ULK4: variants seen among roughly 807,000 people sequenced by gnomAD.
ULK4 encodes the protein unc-51 like kinase 4, also known as inactive serine/threonine-protein kinase ULK4.
In ULK4, 133 loss-of-function variants were observed where a neutral mutation model predicts 160.6. That is an observed-to-expected ratio of 0.83 (90% CI 0.72 to 0.96). The LOEUF is 0.96. Among genes scored for constraint, ULK4 ranks in the 40% least tolerant of loss-of-function variants. The pLI, the probability that ULK4 is intolerant of heterozygous loss-of-function variation, is 0.00. For synonymous variants in ULK4, 534 were observed against 539.8 expected (o/e 0.99, Z 0.15); for missense variants, 1,580 against 1,499.5 (o/e 1.05, Z -0.89).
intron 21 of ULK4, among the ~76,000 whole-genome samples, chr3:41,761,155 G>T (rs921673398): frequency 1.3e-5 from 2 of 152,022 alleles, no homozygotes; most frequent in African/African-American, 4.8e-5. Context: ...GAATTGTTCT[G>T]TATCTTTCTG....
chr3:41,957,023 A>T (rs900022314), intron 1 of ULK4, among the ~76,000 whole-genome samples: 9 of 152,240 alleles, frequency 5.9e-5, no homozygotes, highest in Admixed American at 5.9e-4. Flanking sequence ...TTCTTGGCCA[A>T]CATAACTCTT....
At position 41,772,425 on chromosome 3, in the gene ULK4, G is replaced by C. The variant is rs2039425667; in HGVS notation, c.2193+17236C>G. 2.0e-5 allele frequency among the ~76,000 whole-genome samples: 3 copies of C among 152,012 alleles called. No homozygotes were observed. In the South Asian group the frequency reaches 6.2e-4, roughly 32 times the overall value. ...CCCACAGAAATACAAACTACCATCA[G>C]AGAATACTATAAACACCTCTACGCA... On this transcript the variant is annotated intron_variant, in intron 21 of 36. Transcript: ENST00000301831.
intron 29 of ULK4, among the ~76,000 whole-genome samples, chr3:41,677,745 G>A (rs773064979): frequency 9.2e-5 from 14 of 152,094 alleles, no homozygotes; most frequent in Non-Finnish European, 1.6e-4. Context: ...TATGATAGAC[G>A]TTGTGATGGT....
At chr3:41,781,662 C>T (rs2039845294) in intron 21 of ULK4, among the ~76,000 whole-genome samples, 1 of 152,166 alleles carries the variant, frequency 6.6e-6, no homozygotes, top group South Asian at 2.1e-4. Context: ...GCCATGGTCA[C>T]GTGCAGTGGC....
chr3:41,435,564 T>G (rs1294182513), intron 34 of ULK4, among the ~76,000 whole-genome samples: 1 of 152,224 alleles, frequency 6.6e-6, no homozygotes, highest in Admixed American at 6.5e-5. Flanking sequence ...AAATAGTAAC[T>G]TTGAACTGAG....
intron 35 of ULK4, among the ~76,000 whole-genome samples, chr3:41,387,788 G>C (rs1040914909): frequency 6.6e-6 from 1 of 152,162 alleles, no homozygotes; most frequent in Non-Finnish European, 1.5e-5. Flanking sequence ...GGACATTTGG[G>C]TTGGTTCCAA....
rs11451270 is a variant in ULK4, at chr3:41,656,821, AT to A, written c.3071+6785del. On this transcript the variant is annotated intron_variant, in intron 30 of 36. Transcript: ENST00000301831. ...AATTCTTAGATACAGAACATAAACA[AT>A]TTTTTTTTTGCAATACAGGAAAACA... is the stretch of plus-strand genomic sequence containing the variant. Among the ~76,000 whole-genome samples the A allele has an allele frequency of 7.9e-4, 119 of 149,970 alleles. 1 individual carries two copies. The highest frequency in any genetic ancestry group is 5.3e-3 in the Admixed American group (80 of 14,978).
At chr3:41,761,891 C>A (rs1288933512) in intron 21 of ULK4, among the ~76,000 whole-genome samples, 1 of 151,910 alleles carries the variant, frequency 6.6e-6, no homozygotes, top group Non-Finnish European at 1.5e-5. Context: ...GCCTGGGCAA[C>A]ACAGCAAGAC....
chr3:41,888,383 T>C (rs1697803133), intron 16 of ULK4, among the ~76,000 whole-genome samples: 1 of 152,036 alleles, frequency 6.6e-6, no homozygotes, highest in African/African-American at 2.4e-5. Flanking sequence ...TTTGAGAAAA[T>C]CTCAGATGAC....
intron 30 of ULK4, among the ~76,000 whole-genome samples, chr3:41,641,582 C>T (rs2034196517): frequency 6.6e-6 from 1 of 152,090 alleles, no homozygotes; most frequent in South Asian, 2.1e-4. Context: ...TCTGTAGTCA[C>T]AGCTAAAACT....
chr3:41,819,630 ATTAC>A (rs1309373131), intron 18 of ULK4, 124 bp from the exon 19 acceptor site: 10 of 710,110 alleles, frequency 1.4e-5, no homozygotes, highest in South Asian at 4.4e-5. Flanking sequence ...TATTTAAAGT[ATTAC>A]TTACTATCTG....
intron 30 of ULK4, among the ~76,000 whole-genome samples, chr3:41,641,828 C>G (rs1392948906): frequency 8.5e-6 from 1 of 118,148 alleles, no homozygotes; most frequent in East Asian, 2.0e-4. Context: ...GTTTAAAATG[C>G]AAGTAAAAAA....
rs1403592530 is a variant in ULK4 at position 41,644,591 on chromosome 3, T to A, written c.3071+19016A>T. ...TTTTGGATGTGCTGCTGGATTCGGTTTGCCAGTATTTTATTGAGGATTTTT... is the reference window on the plus strand; with the variant it reads ...TTTTGGATGTGCTGCTGGATTCGGTATGCCAGTATTTTATTGAGGATTTTT... On this transcript the variant is annotated intron_variant, in intron 30 of 36. Transcript: ENST00000301831. Among the ~76,000 whole-genome samples, 3 of 152,318 alleles carry A rather than the reference T, an allele frequency of 2.0e-5. No individual in the cohort carries two copies. In the East Asian group the frequency reaches 5.8e-4, roughly 29 times the overall value.
Position 41,493,263 on chromosome 3 carries a change from G to C in ULK4, c.3227-30010C>G, listed in dbSNP as rs182435982. The stretch of plus-strand genomic sequence containing the variant: ...ACAGTGCAATCAAACTAGAACTCAG[G>C]ATTAAGAAACTCACTGAAAACGGCT... On this transcript the variant is annotated intron_variant, in intron 32 of 36. Transcript: ENST00000301831. Among the ~76,000 whole-genome samples, 654 of 146,520 alleles carry C rather than the reference G, an allele frequency of 4.5e-3. 5 individuals carry two copies. The highest frequency in any genetic ancestry group is 7.7e-3 in the Non-Finnish European group (511 of 66,336).
chr3:41,657,832 A>G (rs980198122), intron 30 of ULK4, among the ~76,000 whole-genome samples: 1 of 150,780 alleles, frequency 6.6e-6, no homozygotes, highest in Non-Finnish European at 1.5e-5. Context: ...AAAAAAAAAA[A>G]AAACACACAC....
chr3:41,390,227 T>C (rs1461325035), intron 35 of ULK4, among the ~76,000 whole-genome samples: 3 of 152,220 alleles, frequency 2.0e-5, no homozygotes, highest in Admixed American at 2.0e-4. Context: ...ATCCCCTTTG[T>C]CATTTTTTAT....
chr3:41,935,415 G>C (rs1699742358), intron 4 of ULK4, among the ~76,000 whole-genome samples: 1 of 151,526 alleles, frequency 6.6e-6, no homozygotes. Context: ...TTTTTTAGTT[G>C]AGATGGGGTT....
At position 41,627,221 on chromosome 3, in the gene ULK4, G is replaced by A. The variant is rs149375047; in HGVS notation, c.3072-11504C>T. Among the ~76,000 whole-genome samples, 1,335 of 152,260 alleles carry A rather than the reference G, an allele frequency of 8.8e-3. 15 individuals are homozygous for A. The highest frequency in any genetic ancestry group is 0.037 in the Middle Eastern group (11 of 294). ...TTTATTCAGAGAGCAGAGGAATCAG[G>A]AGAAGGGAGAGGTAAATAAAGAAGG... On this transcript the variant is annotated intron_variant, in intron 30 of 36. Transcript: ENST00000301831.
chr3:41,390,948 T>A (rs1298124175), intron 35 of ULK4, among the ~76,000 whole-genome samples: 2 of 151,992 alleles, frequency 1.3e-5, no homozygotes, highest in Non-Finnish European at 2.9e-5. Flanking sequence ...CTTCCTCCCA[T>A]CCCCCTTCCC....
Sources: allele counts gnomAD v4.1 joint callset (sites outside exome capture counted in the v4.1 genomes callset), GRCh38; gene constraint gnomAD v4.1.1; transcripts MANE v1.5; gene names NCBI Gene and HGNC (gene_info 2026-07-23, HGNC 2026-07-21).